The following PTPN4 variants were observed in gnomAD, a reference collection of about 807,000 sequenced individuals.
PTPN4 encodes the protein tyrosine-protein phosphatase non-receptor type 4.
In PTPN4, 49 loss-of-function variants were observed where a neutral mutation model predicts 135.5. The ratio of observed to expected loss-of-function variants is 0.36; its 90% CI spans 0.29 to 0.46. The LOEUF (loss-of-function observed/expected upper bound fraction) is 0.46. PTPN4 is among the 20% of genes least tolerant of loss of function. The pLI, the probability that PTPN4 is intolerant of heterozygous loss-of-function variation, is 1.00. For synonymous variants in PTPN4, 333 were observed against 369.9 expected, an observed-to-expected ratio of 0.90 and a Z score of 1.14; for missense variants, 860 against 1,101.0, an observed-to-expected ratio of 0.78 and a Z score of 3.10.
At chr2:119,836,968 A>G (rs948970126) in intron 2 of PTPN4, among the ~76,000 whole-genome samples, 3 of 152,152 alleles carry the variant, frequency 2.0e-5, no homozygotes, top group Non-Finnish European at 4.4e-5. Flanking sequence ...GGCACCGTGG[A>G]CGAAATGATT....
intron 2 of PTPN4, among the ~76,000 whole-genome samples, chr2:119,832,234 T>C (rs1025875466): frequency 2.0e-5 from 3 of 152,200 alleles, no homozygotes; most frequent in African/African-American, 7.2e-5. Context: ...TTTGGATCTT[T>C]GTTTCTACTT....
intron 2 of PTPN4, among the ~76,000 whole-genome samples, chr2:119,853,827 C>CTGAT (rs1677632887): frequency 6.6e-6 from 1 of 152,088 alleles, no homozygotes. Flanking sequence ...TGGAGAACTT[C>CTGAT]TGATAGGGCT....
chr2:119,877,426 A>G (rs1233027914), intron 4 of PTPN4, 38 bp from the exon 5 acceptor site: 1 of 1,607,150 alleles, frequency 6.2e-7, no homozygotes, highest in Non-Finnish European at 8.5e-7. Flanking sequence ...AAGGATTAAT[A>G]TAGTCTGATT....
intron 13 of PTPN4, among the ~76,000 whole-genome samples, chr2:119,931,419 T>A (rs1284889045): frequency 6.8e-6 from 1 of 147,156 alleles, no homozygotes; most frequent in Non-Finnish European, 1.5e-5. Context: ...ATGAAGATCT[T>A]TCTTTCTTTC....
Position 119,965,537 on chromosome 2 carries a change from C to G in PTPN4, c.2450C>G (p.Ala817Gly), listed in dbSNP as rs1679434022. The G allele has an allele frequency of 6.2e-7, 1 of 1,613,398 alleles. No individual in the cohort carries two copies. Among genetic ancestry groups the G allele is most frequent in the African/African-American group, 1.3e-5 (1 of 74,890 alleles). ...CCACTCACTCAGATCCAGTACATAGCCTGGCCTGACCATGGAGTCCCTGAT... is the reference window on the plus strand; with the variant it reads ...CCACTCACTCAGATCCAGTACATAGGCTGGCCTGACCATGGAGTCCCTGAT... ...SRPLTQIQYI[A>G]WPDHGVPDDS... The change falls in exon 25 of 27, where the codon GCC (alanine) becomes GGC (glycine). Residue 817 changes from alanine (A) to glycine (G), a missense_variant. Ala to Gly is a moderately conservative substitution (Grantham distance 60). Coordinates refer to ENST00000263708, the MANE Select transcript of PTPN4 (RefSeq NM_002830.4).
chr2:119,822,764 C>T (rs559028605), intron 2 of PTPN4, among the ~76,000 whole-genome samples: 1 of 152,020 alleles, frequency 6.6e-6, no homozygotes, highest in South Asian at 2.1e-4. Flanking sequence ...AATTAGTGGG[C>T]TTTCAGGAAT....
intron 10 of PTPN4, among the ~76,000 whole-genome samples, chr2:119,911,389 CAT>C (rs1337492993): frequency 1.3e-5 from 2 of 151,984 alleles, no homozygotes; most frequent in Non-Finnish European, 2.9e-5. Context: ...GTTATAATAA[CAT>C]AGAAAAACCA....
chr2:119,878,175 A>G (rs1163995397), intron 5 of PTPN4, among the ~76,000 whole-genome samples: 1 of 152,162 alleles, frequency 6.6e-6, no homozygotes, highest in Non-Finnish European at 1.5e-5. Flanking sequence ...GACAGAGTAT[A>G]TACACATGAA....
At chr2:119,798,213 C>T (rs897916303) in intron 1 of PTPN4, among the ~76,000 whole-genome samples, 13 of 150,624 alleles carry the variant, frequency 8.6e-5, no homozygotes, top group Admixed American at 6.0e-4. Context: ...GTCACCCAGG[C>T]TGGAGTGCAA....
intron 2 of PTPN4, among the ~76,000 whole-genome samples, chr2:119,828,302 C>T (rs965753706): frequency 1.3e-5 from 2 of 152,230 alleles, no homozygotes; most frequent in Non-Finnish European, 2.9e-5. Context: ...CAAGTGAGAA[C>T]CGCCATGTGG....
rs76972538 is a variant in PTPN4, at chr2:119,902,189, C to T, written c.764+1383C>T. ...TTTAAAAAGCAAAGCATAAAAAGCA[C>T]ATTTAACCTAGAGGAACAAGGTAAA... On this transcript the variant is annotated intron_variant, in intron 10 of 26. Coordinates refer to ENST00000263708, the MANE Select transcript of PTPN4 (RefSeq NM_002830.4). Among the ~76,000 whole-genome samples, 1,125 of 152,240 alleles carry T rather than the reference C, an allele frequency of 7.4e-3. 13 individuals are homozygous for T. The highest frequency in any genetic ancestry group is 0.026 in the African/African-American group (1,062 of 41,526).
At chr2:119,774,486 G>A (rs1690794372) in intron 1 of PTPN4, among the ~76,000 whole-genome samples, 1 of 152,164 alleles carries the variant, frequency 6.6e-6, no homozygotes, top group South Asian at 2.1e-4. Context: ...CATTGAAAAT[G>A]CAGCTTTTAT....
chr2:119,787,666 T>C (rs1174009140), intron 1 of PTPN4, among the ~76,000 whole-genome samples: 4 of 152,212 alleles, frequency 2.6e-5, no homozygotes, highest in Admixed American at 6.5e-5. Context: ...GGTAGAATGA[T>C]TGCAGCCTCT....
chr2:119,898,012 A>G (rs1678349185), intron 9 of PTPN4, among the ~76,000 whole-genome samples: 1 of 152,222 alleles, frequency 6.6e-6, no homozygotes, highest in Admixed American at 6.5e-5. Flanking sequence ...AGATTTAGCT[A>G]CTTTTATAGC....
At chr2:119,911,803 C>T (rs181124126) in intron 10 of PTPN4, among the ~76,000 whole-genome samples, 92 of 152,132 alleles carry the variant, frequency 6.0e-4, no homozygotes, top group African/African-American at 2.1e-3. Context: ...ATTAAGGAGA[C>T]TAGAATGACT....
intron 5 of PTPN4, among the ~76,000 whole-genome samples, chr2:119,878,513 T>C (rs750189508): frequency 1.3e-5 from 2 of 152,168 alleles, no homozygotes; most frequent in African/African-American, 2.4e-5. Flanking sequence ...TTGGTTATCA[T>C]TTAGGATACT....
At chr2:119,966,136 G>A (rs922355584) in intron 25 of PTPN4, among the ~76,000 whole-genome samples, 2 of 152,258 alleles carry the variant, frequency 1.3e-5, no homozygotes, top group Admixed American at 6.5e-5. Flanking sequence ...TTCTCTGGAC[G>A]GGATGAATAC....
chr2:119,828,401 G>C (rs1271819981), intron 2 of PTPN4, among the ~76,000 whole-genome samples: 1 of 152,190 alleles, frequency 6.6e-6, no homozygotes, highest in African/African-American at 2.4e-5. Flanking sequence ...TGTATTTGCT[G>C]CATAGCAACG....
chr2:119,945,862 C>T (rs189552365), intron 16 of PTPN4, among the ~76,000 whole-genome samples: 6 of 151,934 alleles, frequency 3.9e-5, no homozygotes, highest in Non-Finnish European at 7.4e-5. Context: ...GATGTTTGTA[C>T]ACCTCTGTGA....
Sources: gnomAD v4.1 joint callset for allele counts (sites outside exome capture counted in the v4.1 genomes callset) on GRCh38, gnomAD v4.1.1 for gene constraint, MANE v1.5 for transcripts, NCBI Gene and HGNC (gene_info 2026-07-23, HGNC 2026-07-21) for gene names.